PDSS2: variants seen among roughly 807,000 people sequenced by gnomAD.
PDSS2 encodes the protein all trans-polyprenyl-diphosphate synthase PDSS2.
A neutral mutation model predicts 44.5 loss-of-function variants in PDSS2; 31 were observed. The observed-to-expected ratio is 0.70, with a 90% confidence interval of 0.52 to 0.94. The LOEUF is 0.94. Ranked by LOEUF, PDSS2 falls within the 40% of genes least tolerant of loss-of-function variation. PDSS2 has a pLI of 0.00. For synonymous variants in PDSS2, 157 were observed against 180.3 expected, an observed-to-expected ratio of 0.87 and a Z score of 1.03; for missense variants, 452 against 482.2, an observed-to-expected ratio of 0.94 and a Z score of 0.59.
intron 1 of PDSS2, among the ~76,000 whole-genome samples, chr6:107,371,838 G>A (rs1329280111): frequency 2.0e-5 from 3 of 152,170 alleles, no homozygotes; most frequent in Non-Finnish European, 4.4e-5. Flanking sequence ...AATAGCTGTT[G>A]AGTTCCTATT....
At chr6:107,272,561 A>G (rs921759367) in intron 3 of PDSS2, among the ~76,000 whole-genome samples, 13 of 152,342 alleles carry the variant, frequency 8.5e-5, no homozygotes, top group African/African-American at 3.1e-4. Flanking sequence ...ATGATTTTAC[A>G]TGAGAGAAAA....
chr6:107,232,534 C>T (rs79232554), intron 4 of PDSS2, among the ~76,000 whole-genome samples: 2,849 of 152,304 alleles, frequency 0.019, 80 homozygotes, highest in African/African-American at 0.066. Context: ...CATGAACATC[C>T]AATCTAAAGT....
At chr6:107,338,246 G>C (rs1412720579) in intron 1 of PDSS2, among the ~76,000 whole-genome samples, 2 of 152,296 alleles carry the variant, frequency 1.3e-5, no homozygotes, top group Middle Eastern at 3.4e-3. Context: ...ATGTAGCACA[G>C]GTCATATTTC....
chr6:107,379,265 G>A (rs1779385193), intron 1 of PDSS2, among the ~76,000 whole-genome samples: 1 of 152,146 alleles, frequency 6.6e-6, no homozygotes, highest in East Asian at 1.9e-4. Flanking sequence ...ATTTTGATCA[G>A]GTCGTATAAC....
chr6:107,446,864 G>T (rs1478483254), intron 1 of PDSS2, among the ~76,000 whole-genome samples: 1 of 151,604 alleles, frequency 6.6e-6, no homozygotes, highest in African/African-American at 2.4e-5. Context: ...TGAGATTTAG[G>T]TGAGGACATT....
At chr6:107,188,588 C>T (rs1012420990) in intron 7 of PDSS2, among the ~76,000 whole-genome samples, 2 of 152,024 alleles carry the variant, frequency 1.3e-5, no homozygotes, top group Non-Finnish European at 2.9e-5. Flanking sequence ...TGTTTTATCC[C>T]CTCCAAATCT....
intron 4 of PDSS2, among the ~76,000 whole-genome samples, chr6:107,217,744 C>A (rs544183602): frequency 2.0e-5 from 3 of 152,212 alleles, no homozygotes; most frequent in Admixed American, 6.5e-5. Flanking sequence ...TACATACATG[C>A]GAAATGAAAT....
At chr6:107,233,022 GC>G (rs984915369) in intron 4 of PDSS2, among the ~76,000 whole-genome samples, 2 of 151,996 alleles carry the variant, frequency 1.3e-5, no homozygotes, top group African/African-American at 2.4e-5. Context: ...TCAACATGTT[GC>G]CCAGACTGGT....
rs371000971 is a variant in PDSS2, at chr6:107,292,821, T to G, written c.432-18594A>C. Among the ~76,000 whole-genome samples the G allele has an allele frequency of 2.0e-5, 3 of 152,288 alleles. No individual in the cohort carries two copies. In the South Asian group the frequency reaches 6.2e-4, roughly 32 times the overall value. ...AATCTCTGGTTTCTAGAAACAGTTA[T>G]GTGGGGCTCTTATCTGCCAGAGGAG... On this transcript the variant is annotated intron_variant, in intron 2 of 7. Transcript: ENST00000369037.
chr6:107,206,836 A>T (rs1772992831), intron 6 of PDSS2, among the ~76,000 whole-genome samples: 1 of 152,136 alleles, frequency 6.6e-6, no homozygotes, highest in Admixed American at 6.5e-5. Flanking sequence ...CATTTCTGTT[A>T]TACCAACTTA....
intron 1 of PDSS2, among the ~76,000 whole-genome samples, chr6:107,428,656 C>T (rs1781078069): frequency 6.6e-6 from 1 of 151,996 alleles, no homozygotes; most frequent in African/African-American, 2.4e-5. Context: ...AGTGAAACTC[C>T]CCCATCTTTA....
chr6:107,362,586 T>C (rs1214364030), intron 1 of PDSS2, among the ~76,000 whole-genome samples: 2 of 152,112 alleles, frequency 1.3e-5, no homozygotes, highest in Non-Finnish European at 2.9e-5. Context: ...AGTGAGAAAC[T>C]AGAGTTGCTA....
intron 2 of PDSS2, among the ~76,000 whole-genome samples, chr6:107,326,665 A>G (rs141818341): frequency 0.017 from 2,554 of 151,872 alleles, 71 homozygotes; most frequent in African/African-American, 0.059. Context: ...CACCCTGGCC[A>G]ACACGGTGAA....
chr6:107,336,269 A>G (rs940610743), intron 1 of PDSS2, among the ~76,000 whole-genome samples: 21 of 151,596 alleles, frequency 1.4e-4, no homozygotes, highest in Admixed American at 1.2e-3. Flanking sequence ...AAAAAAAAAA[A>G]AAAAAAAGGA....
intron 2 of PDSS2, among the ~76,000 whole-genome samples, chr6:107,280,413 T>G (rs1233564470): frequency 6.6e-6 from 1 of 152,178 alleles, no homozygotes; most frequent in African/African-American, 2.4e-5. Context: ...CAACTTATGT[T>G]AAGTAATCAG....
rs1782121705 is a variant in PDSS2 at position 107,458,412 on chromosome 6, C to CAAAAAAAAAAAAACA, written c.296+577_296+578insTGTTTTTTTTTTTTT. 2.6e-5 allele frequency among the ~76,000 whole-genome samples: 2 copies of CAAAAAAAAAAAAACA among 78,182 alleles called. 1 individual carries two copies. The allele number at this position is 78,182 out of a possible 152,430, so 51.3% of individuals were successfully genotyped here. Reference sequence around the variant, plus strand: ...TGGGCGACAAAGCGAGACTCCGTCTCAAAAAAAAAAAAAAAAAAAACTTTT... The same window carrying CAAAAAAAAAAAAACA: ...TGGGCGACAAAGCGAGACTCCGTCTCAAAAAAAAAAAAACAAAAAAAAAAAAAAAAAAAAACTTTT... On this transcript the variant is annotated intron_variant, in intron 1 of 7. Coordinates refer to ENST00000369037, the MANE Select transcript of PDSS2 (RefSeq NM_020381.4).
chr6:107,272,943 T>C (rs1001152690), intron 3 of PDSS2, among the ~76,000 whole-genome samples: 1 of 152,034 alleles, frequency 6.6e-6, no homozygotes, highest in Admixed American at 6.6e-5. Context: ...TTTTTTTTAT[T>C]TTTATTTTTA....
At chr6:107,394,511 C>T (rs185880597) in intron 1 of PDSS2, among the ~76,000 whole-genome samples, 23 of 152,150 alleles carry the variant, frequency 1.5e-4, no homozygotes, top group Non-Finnish European at 2.8e-4. Context: ...AGGACAGTAC[C>T]GAGATCATCG....
chr6:107,189,553 G>C (rs1160858888), intron 7 of PDSS2, among the ~76,000 whole-genome samples: 1 of 152,124 alleles, frequency 6.6e-6, no homozygotes, highest in Non-Finnish European at 1.5e-5. Context: ...GATCAGGCTG[G>C]TCTCAAACTC....
Sources: gnomAD v4.1 joint callset for allele counts (sites outside exome capture counted in the v4.1 genomes callset) on GRCh38, gnomAD v4.1.1 for gene constraint, MANE v1.5 for transcripts, NCBI Gene and HGNC (gene_info 2026-07-23, HGNC 2026-07-21) for gene names.